QSOX1: variants seen among roughly 807,000 people sequenced by gnomAD.
QSOX1 encodes the protein quiescin sulfhydryl oxidase 1.
In QSOX1, 40 loss-of-function variants were observed where a neutral mutation model predicts 76.1. The observed-to-expected ratio is 0.53, with a 90% CI of 0.41 to 0.68. QSOX1 has a LOEUF of 0.68. Among genes scored for constraint, QSOX1 ranks in the 30% least tolerant of loss-of-function variants. The pLI is 0.00. For synonymous variants in QSOX1, 392 were observed against 413.1 expected (o/e 0.95, Z 0.62); for missense variants, 931 against 974.3 (o/e 0.96, Z 0.59).
chr1:180,184,199 T>C, intron 7 of QSOX1, 149 bp downstream of exon 7: 1 of 1,092,514 alleles, frequency 9.2e-7, no homozygotes, highest in South Asian at 1.6e-5. Flanking sequence ...CACCCTGGGG[T>C]CTGGCCATGC....
intron 8 of QSOX1, among the ~76,000 whole-genome samples, chr1:180,186,838 TG>T (rs886259947): frequency 6.6e-6 from 1 of 152,190 alleles, no homozygotes; most frequent in Admixed American, 6.5e-5. Context: ...CTGAAAGTGT[TG>T]TGGTCAGGCC....
At position 180,196,769 on chromosome 1, in the gene QSOX1, A is replaced by G. The variant is rs751312012; in HGVS notation, c.1976A>G (p.Lys659Arg). 2 of 1,614,062 alleles carry G rather than the reference A, an allele frequency of 1.2e-6. No homozygotes were observed. Among genetic ancestry groups the G allele is most frequent in the South Asian group, 2.2e-5 (2 of 91,086 alleles). ...TTGCTGGCTGAGTCCAGGGCTGAGA[A>G]GAACCGCCTCTGGGGCCCTTTGGAG... ...AALLAESRAE[K>R]NRLWGPLEVR... The change falls in exon 12 of 12, where the codon AAG becomes AGG. Residue 659 changes from lysine (K) to arginine (R), a missense_variant. Physicochemically the swap from Lys to Arg is conservative, Grantham distance 26. Coordinates refer to ENST00000367602, the MANE Select transcript of QSOX1 (RefSeq NM_002826.5). This position sits in a 1 kb window ranked among gnomAD's most constrained non-coding sequence, Gnocchi z 4.1.
chr1:180,176,382 G>A (rs766518027), intron 4 of QSOX1, among the ~76,000 whole-genome samples: 1 of 152,226 alleles, frequency 6.6e-6, no homozygotes, highest in African/African-American at 2.4e-5. Context: ...TTTGCGGGAC[G>A]CAGCAGGATT....
rs2149244296 is a variant in QSOX1, at chr1:180,197,025, C to A, written c.2232C>A (p.His744Gln). Residue 744 changes from histidine to glutamine, a missense_variant, in exon 12 of 12, where the codon CAC (histidine) becomes CAA (glutamine). Coordinates refer to ENST00000367602, the MANE Select transcript of QSOX1 (RefSeq NM_002826.5). The stretch of plus-strand genomic sequence containing the variant: ...GGGCCCTGAAGGGCCATGCTGGCCA[C>A]CCTGCAGCCTGAACCACCTGGGGAG... ...KIRALKGHAG[H>Q]PAA The A allele has an allele frequency of 1.2e-6, 2 of 1,609,808 alleles. No individual in the cohort carries two copies. Among genetic ancestry groups the A allele is most frequent in the South Asian group, 2.2e-5 (2 of 90,662 alleles).
At chr1:180,155,230 C>T in intron 1 of QSOX1, 58 bp downstream of exon 1, 3 of 1,388,632 alleles carry the variant, frequency 2.2e-6, no homozygotes, top group South Asian at 3.0e-5. Flanking sequence ...CCTCCACCTG[C>T]CCGGTGGGCA....
chr1:180,166,407 G>A lies in QSOX1; in HGVS notation c.266-84G>A, dbSNP rs912277315. On this transcript the variant is annotated intron_variant, in intron 1 of 11. Coordinates refer to ENST00000367602, the MANE Select transcript of QSOX1 (RefSeq NM_002826.5). ...GATCAGGTGCTTTGAGGTTGGCAGG[G>A]GTGAGGCATTGCATTAGGGGAGATG... The A allele has an allele frequency of 1.3e-5, 14 of 1,077,056 alleles. No homozygotes were observed. The Admixed American group carries it at 2.4e-4, about 19-fold the overall frequency. The allele number at this position is 1,077,056 out of a possible 1,614,324, so 66.7% of individuals were successfully genotyped here.
chr1:180,167,706 A>G (rs542020115), intron 2 of QSOX1, among the ~76,000 whole-genome samples: 2 of 152,326 alleles, frequency 1.3e-5, no homozygotes, highest in South Asian at 4.1e-4. Flanking sequence ...CCCCAGGTTT[A>G]GCTGAGACCA....
At chr1:180,155,845 T>C (rs1662365602) in intron 1 of QSOX1, among the ~76,000 whole-genome samples, 1 of 152,174 alleles carries the variant, frequency 6.6e-6, no homozygotes, top group South Asian at 2.1e-4. Flanking sequence ...CTCAGACCCT[T>C]ATATTTTAAA....
At chr1:180,170,659 A>G (rs1296692651) in intron 2 of QSOX1, among the ~76,000 whole-genome samples, 2 of 152,236 alleles carry the variant, frequency 1.3e-5, no homozygotes, top group Non-Finnish European at 1.5e-5. Context: ...CCAGAGTCTT[A>G]ATTGCCTGCT....
At chr1:180,184,824 C>CT (rs775633759) in intron 7 of QSOX1, among the ~76,000 whole-genome samples, 1 of 152,072 alleles carries the variant, frequency 6.6e-6, no homozygotes, top group African/African-American at 2.4e-5. Context: ...GCATGAGGGA[C>CT]TTTAAGGGTG....
At chr1:180,190,878 T>C (rs1663291758) in intron 10 of QSOX1, among the ~76,000 whole-genome samples, 1 of 152,242 alleles carries the variant, frequency 6.6e-6, no homozygotes, top group Non-Finnish European at 1.5e-5. Context: ...GCTTATAGTT[T>C]GCTTTGCTTT....
At chr1:180,173,507 A>G (rs1662809241) in intron 2 of QSOX1, among the ~76,000 whole-genome samples, 1 of 152,240 alleles carries the variant, frequency 6.6e-6, no homozygotes, top group Non-Finnish European at 1.5e-5. Flanking sequence ...TTCATCCACA[A>G]TAAAAGTTTA....
At chr1:180,166,972 G>A (rs968457174) in intron 2 of QSOX1, among the ~76,000 whole-genome samples, 9 of 152,202 alleles carry the variant, frequency 5.9e-5, no homozygotes, top group African/African-American at 2.2e-4. Context: ...ACCTGTCAGG[G>A]TAGCCTCACC....
chr1:180,175,929 A>G lies in QSOX1; in HGVS notation c.413-2A>G, dbSNP rs1478789256. 6.3e-7 allele frequency: 1 copy of G among 1,586,914 alleles called. No individual in the cohort carries two copies. The highest frequency in any genetic ancestry group is 8.6e-7 in the Non-Finnish European group (1 of 1,166,686). On this transcript the variant is annotated splice_acceptor_variant, in intron 3 of 11. Coordinates refer to ENST00000367602, the MANE Select transcript of QSOX1 (RefSeq NM_002826.5). LOFTEE classifies it high-confidence loss of function. ...TCCGCTCACGCCTGTTTTCATTTAC[A>G]GTGGCTGGTGCTGACGTGCAGACAC... is the stretch of plus-strand genomic sequence containing the variant.
At chr1:180,176,694 C>A (rs1413675104) in intron 4 of QSOX1, among the ~76,000 whole-genome samples, 3 of 152,208 alleles carry the variant, frequency 2.0e-5, no homozygotes, top group Non-Finnish European at 4.4e-5. Context: ...ACACTAGGCC[C>A]CCCACTTCTG....
intron 8 of QSOX1, among the ~76,000 whole-genome samples, chr1:180,187,590 C>G (rs1264789992): frequency 6.6e-6 from 1 of 152,240 alleles, no homozygotes; most frequent in Non-Finnish European, 1.5e-5. Context: ...TTCTTTGTCC[C>G]CAGTGGGGCT....
rs966573534 is a variant in QSOX1, at chr1:180,190,337, T to G, written c.1141-96T>G. 9 of 1,373,754 alleles carry G rather than the reference T, an allele frequency of 6.6e-6. No homozygotes were observed. The South Asian group carries it at 7.6e-5, about 12-fold the overall frequency. 85.1% of individuals were successfully genotyped at this position (1,373,754 alleles called of 1,614,324 possible). On this transcript the variant is annotated intron_variant, in intron 9 of 11. Transcript: ENST00000367602. ...CTTCGAGGTGATAGACTGAGGGACC[T>G]CATTTGTCTTAGGGCTGTCTCCTAG...
rs1663511849 is a variant in QSOX1, at chr1:180,197,042, C to G, written c.*5C>G. On this transcript the variant is annotated 3_prime_UTR_variant, in exon 12 of 12. Transcript: ENST00000367602. ...GCTGGCCACCCTGCAGCCTGAACCA[C>G]CTGGGGAGGAGGCGGGAGAGGGAGC... 6.2e-7 allele frequency: 1 copy of G among 1,600,170 alleles called. No homozygotes were observed. The highest frequency in any genetic ancestry group is 2.2e-5 in the East Asian group (1 of 44,648).
Position 180,178,864 on chromosome 1 carries a change from G to T in QSOX1, c.586G>T (p.Gly196Cys), listed in dbSNP as rs1460016702. 2 of 1,613,782 alleles carry T rather than the reference G, an allele frequency of 1.2e-6. No homozygotes were observed. The highest frequency in any genetic ancestry group is 1.3e-5 in the African/African-American group (1 of 74,938). ...CCTGGCTCTGATCTTTGAAAAGGGAGGCTCCTACCTGGGTAGAGAGGTGAG... is the reference window on the plus strand; with the variant it reads ...CCTGGCTCTGATCTTTGAAAAGGGATGCTCCTACCTGGGTAGAGAGGTGAG... Reference protein sequence around the residue: ...EYLALIFEKGGSYLGREVALD... With the variant: ...EYLALIFEKGCSYLGREVALD... The change falls in exon 5 of 12, where the codon GGC (glycine) becomes TGC (cysteine). Residue 196 changes from glycine to cysteine, a missense_variant. Gly to Cys is a radical substitution (Grantham distance 159, BLOSUM62 -3). Coordinates refer to ENST00000367602, the MANE Select transcript of QSOX1 (RefSeq NM_002826.5).
Sources: allele counts gnomAD v4.1 joint callset (sites outside exome capture counted in the v4.1 genomes callset), GRCh38; gene constraint gnomAD v4.1.1; non-coding constraint Gnocchi (gnomAD v3.1); transcripts MANE v1.5; gene names NCBI Gene and HGNC (gene_info 2026-07-23, HGNC 2026-07-21).